Variants in ZMAT4 observed in about 807,000 individuals in gnomAD.
ZMAT4 encodes the protein zinc finger matrin-type 4, also known as zinc finger matrin-type protein 4.
Under a neutral mutation model 28.7 loss-of-function variants are expected in ZMAT4, and 17 were observed. The observed-to-expected ratio is 0.59, with a 90% confidence interval of 0.41 to 0.89. ZMAT4 has a LOEUF of 0.89. Among genes scored for constraint, ZMAT4 ranks in the 40% least tolerant of loss-of-function variants. The pLI is 0.00. For synonymous variants in ZMAT4, 117 were observed against 109.2 expected, an observed-to-expected ratio of 1.07 and a Z score of -0.44; for missense variants, 240 against 283.8, an observed-to-expected ratio of 0.85 and a Z score of 1.11.
At chr8:40,675,835 T>C (rs1408935495) in intron 4 of ZMAT4, among the ~76,000 whole-genome samples, 1 of 152,190 alleles carries the variant, frequency 6.6e-6, no homozygotes, top group Non-Finnish European at 1.5e-5. Context: ...AATAACAATG[T>C]TTTTTTAAAA....
At chr8:40,591,742 G>T (rs535583708) in intron 5 of ZMAT4, among the ~76,000 whole-genome samples, 1 of 152,126 alleles carries the variant, frequency 6.6e-6, no homozygotes, top group Non-Finnish European at 1.5e-5. Context: ...TATGGAATTT[G>T]GTGGTATCAA....
chr8:40,578,281 G>A (rs560736171), intron 6 of ZMAT4, among the ~76,000 whole-genome samples: 16 of 152,148 alleles, frequency 1.1e-4, no homozygotes, highest in Non-Finnish European at 2.1e-4. Flanking sequence ...TCAGTAAATA[G>A]TATTGGATTA....
intron 6 of ZMAT4, among the ~76,000 whole-genome samples, chr8:40,549,528 G>A (rs1047807854): frequency 6.6e-6 from 1 of 152,240 alleles, no homozygotes; most frequent in South Asian, 2.1e-4. Context: ...TTTGATGAGA[G>A]AATGGCTCCT....
At chr8:40,839,102 A>G (rs1462474815) in intron 1 of ZMAT4, among the ~76,000 whole-genome samples, 1 of 152,176 alleles carries the variant, frequency 6.6e-6, no homozygotes, top group African/African-American at 2.4e-5. Context: ...CTTCCAGAAT[A>G]TTTACTACCT....
chr8:40,763,118 C>T (rs2150557691), intron 3 of ZMAT4, among the ~76,000 whole-genome samples: 1 of 152,310 alleles, frequency 6.6e-6, no homozygotes, highest in East Asian at 1.9e-4. Flanking sequence ...TCACCATGCC[C>T]AGGCATATGT....
intron 5 of ZMAT4, among the ~76,000 whole-genome samples, chr8:40,623,957 C>T (rs1823642): frequency 0.62 from 94,886 of 152,026 alleles, 30,933 homozygotes; most frequent in East Asian, 0.81. Flanking sequence ...TCTTGGCTTG[C>T]TTCACTGGTC....
At chr8:40,804,569 G>A (rs372027938) in intron 2 of ZMAT4, among the ~76,000 whole-genome samples, 4 of 152,072 alleles carry the variant, frequency 2.6e-5, no homozygotes, top group East Asian at 1.9e-4. Context: ...GGCCAGGAGC[G>A]GTGGCTTACT....
chr8:40,809,938 G>C (rs1452741952), intron 2 of ZMAT4, among the ~76,000 whole-genome samples: 2 of 152,010 alleles, frequency 1.3e-5, no homozygotes, highest in Non-Finnish European at 2.9e-5. Context: ...CAGCTACTTG[G>C]GAGGCTAAGG....
At chr8:40,893,540 C>T (rs1171294453) in intron 1 of ZMAT4, among the ~76,000 whole-genome samples, 1 of 152,208 alleles carries the variant, frequency 6.6e-6, no homozygotes, top group Non-Finnish European at 1.5e-5. Flanking sequence ...CAGAGCAGGA[C>T]CAGCCAGAGC....
intron 3 of ZMAT4, among the ~76,000 whole-genome samples, chr8:40,724,331 C>T (rs138504779): frequency 9.9e-5 from 15 of 152,274 alleles, no homozygotes; most frequent in African/African-American, 2.6e-4. Flanking sequence ...CATAGGAAGT[C>T]CAGATGTGAA....
At chr8:40,693,049 T>A (rs1016393839) in intron 4 of ZMAT4, among the ~76,000 whole-genome samples, 6 of 152,210 alleles carry the variant, frequency 3.9e-5, no homozygotes, top group Admixed American at 1.3e-4. Flanking sequence ...TTTTTGCAAC[T>A]GTAACTAGTT....
chr8:40,741,425 C>T (rs1811997929), intron 3 of ZMAT4, among the ~76,000 whole-genome samples: 2 of 139,438 alleles, frequency 1.4e-5, no homozygotes, highest in African/African-American at 2.7e-5. Flanking sequence ...CCAGTCTGGA[C>T]GAAAGAGCGG....
intron 5 of ZMAT4, among the ~76,000 whole-genome samples, chr8:40,605,693 A>G (rs2118635981): frequency 6.6e-6 from 1 of 152,304 alleles, no homozygotes; most frequent in African/African-American, 2.4e-5. Context: ...GTTCTAGGGT[A>G]TAGTTTAAAT....
At chr8:40,888,746 C>T (rs1260462250) in intron 1 of ZMAT4, among the ~76,000 whole-genome samples, 1 of 152,264 alleles carries the variant, frequency 6.6e-6, no homozygotes, top group African/African-American at 2.4e-5. Context: ...AAATGCGACA[C>T]TCCATCAGGA....
chr8:40,689,451 T>C (rs1809563783), intron 4 of ZMAT4, among the ~76,000 whole-genome samples: 1 of 152,260 alleles, frequency 6.6e-6, no homozygotes, highest in Non-Finnish European at 1.5e-5. Context: ...TGCCATGCAG[T>C]AATTTGCACC....
At chr8:40,688,867 G>A (rs534331018) in intron 4 of ZMAT4, among the ~76,000 whole-genome samples, 32 of 152,274 alleles carry the variant, frequency 2.1e-4, no homozygotes, top group African/African-American at 7.7e-4. Context: ...ACGTAGCTAG[G>A]CTCTGAAGTC....
intron 2 of ZMAT4, among the ~76,000 whole-genome samples, chr8:40,809,948 G>C (rs192962850): frequency 2.6e-5 from 4 of 152,150 alleles, no homozygotes; most frequent in Admixed American, 2.6e-4. Context: ...GGAGGCTAAG[G>C]CACAAGAATT....
intron 2 of ZMAT4, among the ~76,000 whole-genome samples, chr8:40,807,493 T>A (rs1001557686): frequency 6.6e-6 from 1 of 152,094 alleles, no homozygotes; most frequent in Non-Finnish European, 1.5e-5. Flanking sequence ...CAAATCTAAG[T>A]GGCTATGGAT....
intron 1 of ZMAT4, among the ~76,000 whole-genome samples, chr8:40,836,629 G>T (rs1448026069): frequency 2.0e-5 from 3 of 152,160 alleles, no homozygotes; most frequent in African/African-American, 7.2e-5. Context: ...ACATCTACAA[G>T]ATCCTTTTTA....
Sources: gnomAD v4.1 joint callset for allele counts (sites outside exome capture counted in the v4.1 genomes callset) on GRCh38, gnomAD v4.1.1 for gene constraint, MANE v1.5 for transcripts, NCBI Gene and HGNC (gene_info 2026-07-23, HGNC 2026-07-21) for gene names.